SH3GL3: variants seen among roughly 807,000 people sequenced by gnomAD.
SH3GL3 encodes the protein SH3 domain containing GRB2 like 3, endophilin A3, also known as endophilin-A3.
A neutral mutation model predicts 47.7 loss-of-function variants in SH3GL3; 33 were observed. The observed-to-expected ratio is 0.69, with a 90% CI of 0.52 to 0.92. The LOEUF (loss-of-function observed/expected upper bound fraction) is 0.92. Ranked by LOEUF, SH3GL3 falls within the 40% of genes least tolerant of loss-of-function variation. The probability of loss-of-function intolerance (pLI) is 0.00; values close to 1 mark genes in which losing one functional copy is unlikely to be tolerated. For synonymous variants in SH3GL3, 155 were observed against 148.8 expected, an observed-to-expected ratio of 1.04 and a Z score of -0.30; for missense variants, 363 against 417.8, an observed-to-expected ratio of 0.87 and a Z score of 1.14.
chr15:83,461,343 A>T (rs904497147), intron 1 of SH3GL3, among the ~76,000 whole-genome samples: 1 of 152,238 alleles, frequency 6.6e-6, no homozygotes, highest in African/African-American at 2.4e-5. Flanking sequence ...AATAACTGAC[A>T]TATTCATGAA....
intron 1 of SH3GL3, among the ~76,000 whole-genome samples, chr15:83,506,449 C>T (rs2042506637): frequency 6.6e-6 from 1 of 152,196 alleles, no homozygotes; most frequent in Non-Finnish European, 1.5e-5. Flanking sequence ...CACTTTCTGA[C>T]ACCTACTTGT....
chr15:83,565,023 A>G (rs1253494700), intron 2 of SH3GL3, 111 bp from the exon 3 acceptor site: 2 of 539,418 alleles, frequency 3.7e-6, no homozygotes, highest in African/African-American at 2.0e-5. Context: ...GATTAAAATC[A>G]TCATAATCGT....
chr15:83,617,687 A>G lies in SH3GL3; in HGVS notation c.839-395A>G, dbSNP rs546846331. ...CAAGACTCTGTCTCAAAAATAGATA[A>G]ATAAATAAATAAAAGTTTCTCGTGT... On this transcript the variant is annotated intron_variant, in intron 8 of 8. Coordinates refer to ENST00000427482, the MANE Select transcript of SH3GL3 (RefSeq NM_003027.5). Among the ~76,000 whole-genome samples, 6 of 152,214 alleles carry G rather than the reference A, an allele frequency of 3.9e-5. No homozygotes were observed. In the South Asian group the frequency reaches 1.2e-3, roughly 32 times the overall value.
chr15:83,582,621 G>A (rs986832652), intron 6 of SH3GL3, among the ~76,000 whole-genome samples: 5 of 152,102 alleles, frequency 3.3e-5, no homozygotes, highest in African/African-American at 9.7e-5. Flanking sequence ...TTATTTGACC[G>A]CAGAATTCCG....
intron 1 of SH3GL3, among the ~76,000 whole-genome samples, chr15:83,460,097 G>GCTTC (rs1240933504): frequency 8.1e-5 from 9 of 110,448 alleles, no homozygotes; most frequent in Admixed American, 2.1e-4. Context: ...TTCCTTCCTT[G>GCTTC]CTTCCTTCCT....
At chr15:83,483,443 TATTA>T (rs1480273019) in intron 1 of SH3GL3, among the ~76,000 whole-genome samples, 2 of 152,328 alleles carry the variant, frequency 1.3e-5, no homozygotes, top group Admixed American at 6.5e-5. Context: ...AATTAATTTT[TATTA>T]ATTAATTAAA....
At chr15:83,622,433 A>G (rs1181124522), downstream of SH3GL3, among the ~76,000 whole-genome samples, 1 of 152,248 alleles carries the variant, frequency 6.6e-6, no homozygotes, top group Non-Finnish European at 1.5e-5. Context: ...CAATGCCCAT[A>G]ATATGCTTAG....
intron 1 of SH3GL3, among the ~76,000 whole-genome samples, chr15:83,481,311 C>G (rs917897423): frequency 2.0e-5 from 3 of 150,872 alleles, no homozygotes; most frequent in Non-Finnish European, 4.4e-5. Context: ...ATTCCTGTCA[C>G]AGGGAGCGGA....
At chr15:83,485,510 G>T (rs897706252) in intron 1 of SH3GL3, among the ~76,000 whole-genome samples, 4 of 152,096 alleles carry the variant, frequency 2.6e-5, no homozygotes, top group African/African-American at 9.7e-5. Context: ...TTGAGGTGGG[G>T]TCTTGCTCTG....
chr15:83,588,686 C>T lies in SH3GL3; in HGVS notation c.753C>T (p.Pro251=), dbSNP rs370349771. The change falls in exon 8 of 9, where the codon CCC becomes CCT. Residue 251 remains proline (P), a synonymous_variant. Coordinates refer to ENST00000427482, the MANE Select transcript of SH3GL3 (RefSeq NM_003027.5). The part of the protein sequence containing the change: ...QMRISAASSV[P]RREYKPRPVK... ...GAATATCAGCTGCATCCAGTGTCCC[C>T]AGACGAGAATACAAGCCAAGGCCTG... The T allele has an allele frequency of 2.5e-5, 40 of 1,610,892 alleles. No individual in the cohort carries two copies. In the African/African-American group the frequency reaches 4.9e-4, roughly 20 times the overall value.
chr15:83,499,090 T>C (rs1172613940), intron 1 of SH3GL3, among the ~76,000 whole-genome samples: 1 of 152,158 alleles, frequency 6.6e-6, no homozygotes, highest in Non-Finnish European at 1.5e-5. Context: ...TTCCCCCACC[T>C]GCTGAGGTGG....
chr15:83,485,141 T>C (rs1486177360), intron 1 of SH3GL3, among the ~76,000 whole-genome samples: 3 of 152,224 alleles, frequency 2.0e-5, no homozygotes, highest in Non-Finnish European at 4.4e-5. Flanking sequence ...AGTGAATCTC[T>C]TTCCATTAAT....
chr15:83,627,821 G>T, the SH3GL3 span, among the ~76,000 whole-genome samples: 1 of 152,132 alleles, frequency 6.6e-6, no homozygotes, highest in Non-Finnish European at 1.5e-5. Flanking sequence ...TTCCAATAAA[G>T]CCACCCCTCT....
At position 83,568,667 on chromosome 15, in the gene SH3GL3, C is replaced by G. The variant is rs1424390255; in HGVS notation, c.326C>G (p.Thr109Ser). Residue 109 changes from threonine (T) to serine (S), a missense_variant, in exon 4 of 9, where the codon ACC becomes AGC. By Grantham distance (58) the Thr-to-Ser change is moderately conservative. Coordinates refer to ENST00000427482, the MANE Select transcript of SH3GL3 (RefSeq NM_003027.5). ...KYGKELGEDS[T>S]FGNALIEVGE... ...GGGAAGGAGCTCGGGGAAGACTCCA[C>G]CTTTGGTGAGTTATTCAGAGATCAG... 6.2e-7 allele frequency: 1 copy of G among 1,613,378 alleles called. No homozygotes were observed. The highest frequency in any genetic ancestry group is 1.7e-5 in the Admixed American group (1 of 60,004).
chr15:83,548,653 T>C (rs1005733628), intron 1 of SH3GL3, among the ~76,000 whole-genome samples: 1 of 152,140 alleles, frequency 6.6e-6, no homozygotes, highest in African/African-American at 2.4e-5. Flanking sequence ...TTGATTTCTC[T>C]TGTAACATCA....
chr15:83,573,164 A>G (rs897899826), intron 5 of SH3GL3, among the ~76,000 whole-genome samples: 1 of 152,192 alleles, frequency 6.6e-6, no homozygotes, highest in Non-Finnish European at 1.5e-5. Context: ...ATTTTCAGGT[A>G]CCTGGAGATA....
At chr15:83,467,610 C>T (rs2040626114) in intron 1 of SH3GL3, among the ~76,000 whole-genome samples, 1 of 152,136 alleles carries the variant, frequency 6.6e-6, no homozygotes, top group Non-Finnish European at 1.5e-5. Flanking sequence ...CCTGTATATC[C>T]ATTTGGAAAG....
chr15:83,516,090 T>G (rs1334655503), intron 1 of SH3GL3, among the ~76,000 whole-genome samples: 2 of 136,078 alleles, frequency 1.5e-5, no homozygotes, highest in African/African-American at 2.7e-5. Flanking sequence ...AGTGTAGTAA[T>G]AGGCTATGAG....
intron 1 of SH3GL3, among the ~76,000 whole-genome samples, chr15:83,450,975 T>A (rs2039746145): frequency 8.5e-6 from 1 of 118,024 alleles, no homozygotes; most frequent in African/African-American, 3.3e-5. Context: ...CCCACCACAG[T>A]CTCCAGAGTG....
Sources: gnomAD v4.1 joint callset for allele counts (sites outside exome capture counted in the v4.1 genomes callset) on GRCh38, gnomAD v4.1.1 for gene constraint, MANE v1.5 for transcripts, NCBI Gene and HGNC (gene_info 2026-07-23, HGNC 2026-07-21) for gene names.